SEMA4D: variants seen among roughly 807,000 people sequenced by gnomAD.
SEMA4D encodes semaphorin 4D.
SEMA4D carries 22 observed loss-of-function variants against 74.8 expected under a neutral mutation model. The observed-to-expected ratio is 0.29, with a 90% CI of 0.21 to 0.42. SEMA4D has a LOEUF of 0.42. SEMA4D is among the 10% of genes least tolerant of loss of function. SEMA4D has a pLI of 1.00. For synonymous variants in SEMA4D, 445 were observed against 463.7 expected (o/e 0.96, Z 0.52); for missense variants, 937 against 1,118.4 (o/e 0.84, Z 2.31).
intron 6 of SEMA4D, among the ~76,000 whole-genome samples, chr9:89,395,232 C>A (rs138421975): frequency 1.2e-4 from 19 of 152,220 alleles, no homozygotes; most frequent in East Asian, 1.2e-3. Flanking sequence ...TCAAGACCAG[C>A]CTGACCAACA....
intron 1 of SEMA4D, among the ~76,000 whole-genome samples, chr9:89,486,734 T>C (rs1362575978): frequency 2.0e-5 from 3 of 152,178 alleles, no homozygotes; most frequent in African/African-American, 4.8e-5. Flanking sequence ...AGTGAAACTC[T>C]GTCTCTGCTA....
At chr9:89,366,806 A>T (rs929020444) in intron 16 of SEMA4D, among the ~76,000 whole-genome samples, 8 of 152,184 alleles carry the variant, frequency 5.3e-5, no homozygotes, top group Non-Finnish European at 1.5e-5. Flanking sequence ...GAGTTCTATA[A>T]AAGCCCGGTC....
chr9:89,382,972 C>G (rs535783704), intron 13 of SEMA4D, among the ~76,000 whole-genome samples: 1 of 152,210 alleles, frequency 6.6e-6, no homozygotes. Context: ...TCAGCCCCAG[C>G]TTCCGCTTCT....
Position 89,404,426 on chromosome 9 carries a change from T to C in SEMA4D, c.106+925A>G, listed in dbSNP as rs368934698. Among the ~76,000 whole-genome samples the C allele has an allele frequency of 1.9e-4, 29 of 152,232 alleles. No individual in the cohort carries two copies. The South Asian group carries it at 6.0e-3, about 32-fold the overall frequency. On this transcript the variant is annotated intron_variant, in intron 3 of 15. Transcript: ENST00000422704. ...TCTACAGTTGTCACAGCCTCTCCCT[T>C]AGATCAGCTGAGTAGGCCTGTCTGC...
chr9:89,493,829 C>T (rs932639389), intron 1 of SEMA4D, among the ~76,000 whole-genome samples: 6 of 152,244 alleles, frequency 3.9e-5, no homozygotes, highest in African/African-American at 1.4e-4. Context: ...AATGCTGGAA[C>T]AAGCCCCAGG....
chr9:89,413,619 G>C (rs1303830182), intron 2 of SEMA4D, among the ~76,000 whole-genome samples: 1 of 152,250 alleles, frequency 6.6e-6, no homozygotes, highest in African/African-American at 2.4e-5. Flanking sequence ...ACATGCATGT[G>C]TATGTCTGTG....
At chr9:89,439,679 G>A (rs777701704) in intron 2 of SEMA4D, among the ~76,000 whole-genome samples, 15 of 152,170 alleles carry the variant, frequency 9.9e-5, no homozygotes, top group Non-Finnish European at 2.1e-4. Flanking sequence ...CTCAGCCGGC[G>A]GCTGACTGGT....
At chr9:89,482,131 C>G (rs1184602553) in intron 1 of SEMA4D, among the ~76,000 whole-genome samples, 1 of 152,188 alleles carries the variant, frequency 6.6e-6, no homozygotes, top group African/African-American at 2.4e-5. Context: ...GGCAGCAAAG[C>G]CAGTTGAGGA....
chr9:89,480,432 T>TG (rs1824495907), intron 1 of SEMA4D, among the ~76,000 whole-genome samples: 1 of 152,208 alleles, frequency 6.6e-6, no homozygotes, highest in Non-Finnish European at 1.5e-5. Context: ...CCTCAGCCCT[T>TG]GGGTGGTCGA....
chr9:89,424,832 C>T (rs1027571438), intron 2 of SEMA4D, among the ~76,000 whole-genome samples: 5 of 152,018 alleles, frequency 3.3e-5, no homozygotes, highest in East Asian at 1.9e-4. Context: ...CCTGTGCCCC[C>T]GGCCTTCAGT....
At chr9:89,489,645 T>A (rs546289899) in intron 1 of SEMA4D, among the ~76,000 whole-genome samples, 3 of 151,898 alleles carry the variant, frequency 2.0e-5, no homozygotes, top group African/African-American at 7.3e-5. Flanking sequence ...TAGAATAATG[T>A]TTTTGAGGTG....
At chr9:89,383,017 T>C (rs1837515656) in intron 13 of SEMA4D, among the ~76,000 whole-genome samples, 1 of 152,028 alleles carries the variant, frequency 6.6e-6, no homozygotes, top group African/African-American at 2.4e-5. Context: ...CAAATGAAAC[T>C]AAGCTGTAAA....
In SEMA4D at chr9:89,413,835, C is replaced by T. The variant is rs139266090; in HGVS notation, c.-243-8136G>A. Among the ~76,000 whole-genome samples the T allele has an allele frequency of 7.0e-4, 107 of 152,302 alleles. 1 individual carries two copies. Among genetic ancestry groups the T allele is most frequent in the East Asian group, 6.0e-3 (31 of 5,188 alleles). ...GTGTGCACAGCTATATGTGCACATA[C>T]GTGCATGCATCTGTGTGCGCATCTG... On this transcript the variant is annotated intron_variant, in intron 2 of 15. Transcript: ENST00000422704.
At chr9:89,455,369 T>C (rs1855682194) in intron 2 of SEMA4D, among the ~76,000 whole-genome samples, 2 of 152,324 alleles carry the variant, frequency 1.3e-5, no homozygotes, top group East Asian at 3.9e-4. Context: ...CAGACCTCCC[T>C]GAACACGGGG....
intron 8 of SEMA4D, among the ~76,000 whole-genome samples, chr9:89,391,703 G>T (rs1254051835): frequency 6.6e-6 from 1 of 152,238 alleles, no homozygotes; most frequent in Admixed American, 6.5e-5. Context: ...ACTGAGGCTG[G>T]GCCTCCTGAC....
chr9:89,400,644 G>A (rs1036404127), intron 4 of SEMA4D, among the ~76,000 whole-genome samples: 1 of 152,196 alleles, frequency 6.6e-6, no homozygotes. Flanking sequence ...ATTTAAAATA[G>A]CCACTTCCTT....
At chr9:89,386,512 A>G in intron 12 of SEMA4D, 30 bp from the exon 13 acceptor site, 3 of 1,488,794 alleles carry the variant, frequency 2.0e-6, no homozygotes, top group Non-Finnish European at 2.8e-6. Context: ...GGTCAGTGAC[A>G]CTAACCCAGA....
At chr9:89,424,159 C>G (rs34981091) in intron 2 of SEMA4D, among the ~76,000 whole-genome samples, 23,512 of 152,190 alleles carry the variant, frequency 0.15, 2,388 homozygotes, top group Non-Finnish European at 0.22. Flanking sequence ...CTCCCCACAG[C>G]TACTTCCCTG....
chr9:89,376,770 GCCC>G (rs1160414766), downstream of SEMA4D: 3 of 1,479,238 alleles, frequency 2.0e-6, no homozygotes, highest in African/African-American at 2.8e-5. Context: ...GCCCCCGCCC[GCCC>G]CCCACCTGTG....
Sources: gnomAD v4.1 joint callset for allele counts (sites outside exome capture counted in the v4.1 genomes callset) on GRCh38, gnomAD v4.1.1 for gene constraint, MANE v1.5 for transcripts, NCBI Gene and HGNC (gene_info 2026-07-23, HGNC 2026-07-21) for gene names.